GRID1: variants seen among roughly 807,000 people sequenced by gnomAD.
GRID1 encodes glutamate ionotropic receptor delta type subunit 1.
A neutral mutation model predicts 98.0 loss-of-function variants in GRID1; 28 were observed. The observed-to-expected ratio is 0.29, with a 90% CI of 0.21 to 0.39. The LOEUF is 0.39. Ranked by LOEUF, GRID1 falls within the 10% of genes least tolerant of loss-of-function variation. GRID1 has a pLI of 1.00. For missense variants in GRID1, 1,111 were observed against 1,340.5 expected, an observed-to-expected ratio of 0.83 and a Z score of 2.67; for synonymous variants, 553 against 538.5, an observed-to-expected ratio of 1.03 and a Z score of -0.37.
At chr10:85,938,350 T>C (rs1841954044) in intron 4 of GRID1, among the ~76,000 whole-genome samples, 1 of 152,242 alleles carries the variant, frequency 6.6e-6, no homozygotes, top group South Asian at 2.1e-4. Context: ...GTCCACCCTC[T>C]ACTCTTGCCC....
At chr10:86,292,795 T>C (rs892312378) in intron 2 of GRID1, among the ~76,000 whole-genome samples, 7 of 151,652 alleles carry the variant, frequency 4.6e-5, no homozygotes, top group Non-Finnish European at 1.0e-4. Flanking sequence ...TGTATGCAAG[T>C]GTGGGTGTGA....
intron 4 of GRID1, among the ~76,000 whole-genome samples, chr10:86,008,124 CT>C (rs961152572): frequency 5.3e-5 from 8 of 152,158 alleles, no homozygotes; most frequent in Non-Finnish European, 1.0e-4. Flanking sequence ...CTGATTACCC[CT>C]GATCCTGCTA....
chr10:85,804,353 C>T (rs1034451307), intron 8 of GRID1, among the ~76,000 whole-genome samples: 1 of 151,668 alleles, frequency 6.6e-6, no homozygotes, highest in African/African-American at 2.4e-5. Flanking sequence ...CTAAATAGAC[C>T]TGTAACAATT....
At position 85,906,379 on chromosome 10, in the gene GRID1, C is replaced by T. The variant is rs564560523; in HGVS notation, c.780+9807G>A. On this transcript the variant is annotated intron_variant, in intron 5 of 15. Transcript: ENST00000327946. ...AAATAATCATAAAGGATACAGAAGGCGCAATCAACACTCAACTAAAATGAC... is the reference window on the plus strand; with the variant it reads ...AAATAATCATAAAGGATACAGAAGGTGCAATCAACACTCAACTAAAATGAC... Among the ~76,000 whole-genome samples, 6 of 152,144 alleles carry T rather than the reference C, an allele frequency of 3.9e-5. No individual in the cohort carries two copies. In the South Asian group the frequency reaches 6.2e-4, roughly 16 times the overall value.
intron 3 of GRID1, among the ~76,000 whole-genome samples, chr10:86,150,243 C>G (rs975008313): frequency 1.3e-5 from 2 of 152,198 alleles, no homozygotes; most frequent in Non-Finnish European, 2.9e-5. Flanking sequence ...AGGCTCGCCT[C>G]CAGCCCTCAG....
intron 12 of GRID1, among the ~76,000 whole-genome samples, chr10:85,679,850 C>T (rs983616992): frequency 7.9e-5 from 12 of 152,318 alleles, no homozygotes; most frequent in Non-Finnish European, 1.3e-4. Context: ...CACACTCCAG[C>T]GCCTGCCCTG....
rs115429870 is a variant in GRID1 at position 85,611,666 on chromosome 10, C to T, written c.2601+1741G>A. 3.6e-3 allele frequency among the ~76,000 whole-genome samples: 553 copies of T among 152,188 alleles called. 7 individuals are homozygous for T. Among genetic ancestry groups the T allele is most frequent in the African/African-American group, 0.013 (528 of 41,524 alleles). ...CTACTGGGGGTGGCTTTGGGGCCACCCCATCACAGCTGCCTACTGATGCTT... is the reference window on the plus strand; with the variant it reads ...CTACTGGGGGTGGCTTTGGGGCCACTCCATCACAGCTGCCTACTGATGCTT... On this transcript the variant is annotated intron_variant, in intron 15 of 15. Coordinates refer to ENST00000327946, the MANE Select transcript of GRID1 (RefSeq NM_017551.3).
At chr10:86,029,601 A>G (rs942336687) in intron 4 of GRID1, among the ~76,000 whole-genome samples, 1 of 152,258 alleles carries the variant, frequency 6.6e-6, no homozygotes, top group African/African-American at 2.4e-5. Context: ...ATTATACTCC[A>G]AAGCTTATCA....
At chr10:86,050,577 G>A (rs905859525) in intron 4 of GRID1, among the ~76,000 whole-genome samples, 19 of 152,012 alleles carry the variant, frequency 1.2e-4, no homozygotes, top group African/African-American at 4.6e-4. Flanking sequence ...TTTAGCAGAA[G>A]GGGAAAAATT....
At chr10:85,669,270 A>T (rs1246493337) in intron 12 of GRID1, among the ~76,000 whole-genome samples, 1 of 152,186 alleles carries the variant, frequency 6.6e-6, no homozygotes, top group South Asian at 2.1e-4. Context: ...TTTCCTATTT[A>T]TTGAGGGGCC....
intron 4 of GRID1, among the ~76,000 whole-genome samples, chr10:85,959,713 T>C (rs1166579406): frequency 1.3e-5 from 2 of 152,234 alleles, no homozygotes; most frequent in African/African-American, 4.8e-5. Flanking sequence ...CACCAGATTG[T>C]TTTCTTTAAT....
intron 4 of GRID1, among the ~76,000 whole-genome samples, chr10:85,917,583 C>T (rs993110518): frequency 6.6e-6 from 1 of 152,236 alleles, no homozygotes; most frequent in African/African-American, 2.4e-5. Flanking sequence ...CTTTCCTCAT[C>T]AGTACACAGA....
Position 85,832,853 on chromosome 10 carries a change from A to T in GRID1, c.1233+21643T>A, listed in dbSNP as rs73332658. On this transcript the variant is annotated intron_variant, in intron 8 of 15. Coordinates refer to ENST00000327946, the MANE Select transcript of GRID1 (RefSeq NM_017551.3). ...AGCAATACCAAAAGGACAATCAATCAGAAGTCCTGCTGAAAAGAAATGGCC... is the reference window on the plus strand; with the variant it reads ...AGCAATACCAAAAGGACAATCAATCTGAAGTCCTGCTGAAAAGAAATGGCC... Among the ~76,000 whole-genome samples the T allele has an allele frequency of 5.7e-3, 870 of 152,304 alleles. 8 individuals carry two copies. Among genetic ancestry groups the T allele is most frequent in the African/African-American group, 0.02 (818 of 41,572 alleles).
At chr10:85,876,446 C>A (rs1308988743) in intron 5 of GRID1, among the ~76,000 whole-genome samples, 5 of 152,172 alleles carry the variant, frequency 3.3e-5, no homozygotes. Flanking sequence ...TTGCATTTAA[C>A]ACCTATCCAG....
intron 4 of GRID1, among the ~76,000 whole-genome samples, chr10:86,127,376 C>T (rs1056665650): frequency 3.9e-5 from 6 of 152,180 alleles, no homozygotes; most frequent in African/African-American, 9.7e-5. Flanking sequence ...AAAGCACCCG[C>T]GGCTGTCCCT....
At chr10:85,895,990 C>A (rs746868128) in intron 5 of GRID1, among the ~76,000 whole-genome samples, 2 of 149,870 alleles carry the variant, frequency 1.3e-5, no homozygotes, top group Non-Finnish European at 3.0e-5. Context: ...AGTGCCTGCC[C>A]CTCACTGCAA....
chr10:86,364,196 G>A, intron 1 of GRID1, 100 bp from the exon 2 acceptor site: 1 of 939,034 alleles, frequency 1.1e-6, no homozygotes. Context: ...TGATTGCCGG[G>A]TGGTGGGAAG....
At chr10:85,794,394 G>A (rs1366599795) in intron 8 of GRID1, among the ~76,000 whole-genome samples, 3 of 152,192 alleles carry the variant, frequency 2.0e-5, no homozygotes, top group African/African-American at 7.2e-5. Context: ...GGCAGTGAAT[G>A]TTTTCAGGAT....
intron 13 of GRID1, among the ~76,000 whole-genome samples, chr10:85,623,453 GTTTT>G (rs1418039859): frequency 6.6e-6 from 1 of 152,192 alleles, no homozygotes; most frequent in Non-Finnish European, 1.5e-5. Flanking sequence ...GTCAGAATCA[GTTTT>G]CCACGTGGCC....
Sources: gnomAD v4.1 joint callset for allele counts (sites outside exome capture counted in the v4.1 genomes callset) on GRCh38, gnomAD v4.1.1 for gene constraint, MANE v1.5 for transcripts, NCBI Gene and HGNC (gene_info 2026-07-23, HGNC 2026-07-21) for gene names.